Variants in CDK14 observed in about 807,000 individuals in gnomAD.
The protein encoded by CDK14 is cyclin-dependent kinase 14.
In CDK14, 34 loss-of-function variants were observed where a neutral mutation model predicts 60.7. That is an observed-to-expected ratio of 0.56 (90% CI 0.43 to 0.75). The LOEUF is 0.75. Ranked by LOEUF, CDK14 falls within the 30% of genes least tolerant of loss-of-function variation. CDK14 has a pLI of 0.00. For missense variants in CDK14, 482 were observed against 564.1 expected, an observed-to-expected ratio of 0.85 and a Z score of 1.47; for synonymous variants, 197 against 203.7, an observed-to-expected ratio of 0.97 and a Z score of 0.28.
At chr7:90,782,246 G>C (rs541855861) in intron 4 of CDK14, among the ~76,000 whole-genome samples, 24 of 152,264 alleles carry the variant, frequency 1.6e-4, no homozygotes, top group African/African-American at 5.5e-4. Context: ...AAGAATGCTT[G>C]TGATTTTTGC....
intron 2 of CDK14, among the ~76,000 whole-genome samples, chr7:90,620,852 GA>G (rs1278910114): frequency 1.3e-5 from 2 of 152,186 alleles, no homozygotes; most frequent in African/African-American, 4.8e-5. Context: ...ACATTTTAAA[GA>G]GGGGGAAACT....
intron 10 of CDK14, among the ~76,000 whole-genome samples, chr7:91,026,825 A>G (rs1385243026): frequency 6.6e-6 from 1 of 152,200 alleles, no homozygotes; most frequent in Non-Finnish European, 1.5e-5. Context: ...TCCTCTGACC[A>G]TTATAAATTC....
chr7:90,836,813 A>G (rs890516413), intron 5 of CDK14, among the ~76,000 whole-genome samples: 1 of 152,230 alleles, frequency 6.6e-6, no homozygotes, highest in Admixed American at 6.5e-5. Flanking sequence ...TATCATGACC[A>G]TGACATTAGT....
chr7:90,800,264 T>G (rs1006746125), intron 5 of CDK14, among the ~76,000 whole-genome samples: 1 of 152,144 alleles, frequency 6.6e-6, no homozygotes, highest in Non-Finnish European at 1.5e-5. Context: ...AGATATAAAC[T>G]GAAAAAGAGA....
chr7:90,889,920 A>G (rs765494729), intron 6 of CDK14, among the ~76,000 whole-genome samples: 1 of 152,212 alleles, frequency 6.6e-6, no homozygotes, highest in South Asian at 2.1e-4. Flanking sequence ...TGTAATTATA[A>G]TCTTGTCTTC....
chr7:90,700,988 T>C (rs975280144), intron 2 of CDK14, among the ~76,000 whole-genome samples: 2 of 152,160 alleles, frequency 1.3e-5, no homozygotes, highest in Admixed American at 6.5e-5. Flanking sequence ...ATACAGAAAA[T>C]GTAGTTTACT....
intron 14 of CDK14, among the ~76,000 whole-genome samples, chr7:91,191,454 T>C (rs1802358934): frequency 6.6e-6 from 1 of 152,090 alleles, no homozygotes; most frequent in East Asian, 1.9e-4. Context: ...TTAGCTTAAT[T>C]GTAGAAAGGT....
At chr7:90,700,822 A>G (rs953956080) in intron 2 of CDK14, among the ~76,000 whole-genome samples, 2 of 152,132 alleles carry the variant, frequency 1.3e-5, no homozygotes, top group African/African-American at 4.8e-5. Context: ...TACCTTTTCT[A>G]TGACAATTAT....
intron 4 of CDK14, among the ~76,000 whole-genome samples, chr7:90,757,941 G>C (rs1440484288): frequency 6.6e-6 from 1 of 152,104 alleles, no homozygotes; most frequent in Non-Finnish European, 1.5e-5. Context: ...GTTGCTATTA[G>C]GCATAGTTTA....
At chr7:90,818,912 A>G (rs1482324398) in intron 5 of CDK14, among the ~76,000 whole-genome samples, 3 of 151,812 alleles carry the variant, frequency 2.0e-5, no homozygotes, top group Admixed American at 2.0e-4. Context: ...GTGTGTGTAT[A>G]TATATATAAT....
chr7:90,772,080 G>T (rs1584875893), intron 4 of CDK14, among the ~76,000 whole-genome samples: 1 of 152,164 alleles, frequency 6.6e-6, no homozygotes, highest in Non-Finnish European at 1.5e-5. Flanking sequence ...CTGAACATTT[G>T]GATATAGTCT....
intron 4 of CDK14, among the ~76,000 whole-genome samples, chr7:90,766,363 T>C (rs1241294465): frequency 6.6e-6 from 1 of 152,220 alleles, no homozygotes; most frequent in Non-Finnish European, 1.5e-5. Flanking sequence ...AGCAAATACA[T>C]TTAGTGTTTA....
At chr7:90,606,415 G>C (rs1259174261) in intron 2 of CDK14, among the ~76,000 whole-genome samples, 4 of 152,062 alleles carry the variant, frequency 2.6e-5, no homozygotes, top group Non-Finnish European at 5.9e-5. Context: ...CAGAATAATG[G>C]CTCACAAAAA....
At chr7:90,965,370 C>T (rs888733966) in intron 9 of CDK14, among the ~76,000 whole-genome samples, 2 of 152,186 alleles carry the variant, frequency 1.3e-5, no homozygotes, top group Non-Finnish European at 1.5e-5. Flanking sequence ...TGACTGTATA[C>T]TTTTCCCTAA....
At chr7:91,060,855 T>G (rs1233604656) in intron 11 of CDK14, among the ~76,000 whole-genome samples, 3 of 152,190 alleles carry the variant, frequency 2.0e-5, no homozygotes, top group Non-Finnish European at 1.5e-5. Context: ...TTTTAACTTT[T>G]GTGAATCTGA....
chr7:90,777,687 A>G (rs1584881925), intron 4 of CDK14, among the ~76,000 whole-genome samples: 2 of 152,304 alleles, frequency 1.3e-5, no homozygotes, highest in African/African-American at 2.4e-5. Context: ...CCTAGTGCAC[A>G]TAGGGGCAGC....
chr7:90,759,773 G>A (rs944895201), intron 4 of CDK14, among the ~76,000 whole-genome samples: 1 of 152,156 alleles, frequency 6.6e-6, no homozygotes, highest in Non-Finnish European at 1.5e-5. Context: ...GACTTCACAT[G>A]CCATTTAGAG....
In CDK14 at chr7:90,632,459, A is replaced by G. The variant is rs555407076; in HGVS notation, c.123+28210A>G. The G allele has an allele frequency of 2.1e-4, 42 of 201,138 alleles. No homozygotes were observed. The South Asian group carries it at 2.4e-3, about 12-fold the overall frequency. The allele number at this position is 201,138 out of a possible 1,614,324, so 12.5% of individuals were successfully genotyped here. ...GTGGCGCTGCAAGATGCCAACCTATATGGTTACATCAGGTATAAAGTTGGC... is the reference window on the plus strand; with the variant it reads ...GTGGCGCTGCAAGATGCCAACCTATGTGGTTACATCAGGTATAAAGTTGGC... On this transcript the variant is annotated intron_variant, in intron 2 of 14. Coordinates refer to ENST00000380050, the MANE Select transcript of CDK14 (RefSeq NM_001287135.2).
chr7:90,732,627 T>G (rs1424829893), intron 3 of CDK14, among the ~76,000 whole-genome samples: 3 of 152,214 alleles, frequency 2.0e-5, no homozygotes, highest in African/African-American at 7.2e-5. Flanking sequence ...TTTATTTGCA[T>G]AGAGGTATTT....
Sources: allele counts gnomAD v4.1 joint callset (sites outside exome capture counted in the v4.1 genomes callset), GRCh38; gene constraint gnomAD v4.1.1; transcripts MANE v1.5; gene names NCBI Gene and HGNC (gene_info 2026-07-23, HGNC 2026-07-21).